Variants in PARP16 observed in about 807,000 individuals in gnomAD.
The protein encoded by PARP16 is protein mono-ADP-ribosyltransferase PARP16.
Under a neutral mutation model 35.0 loss-of-function variants are expected in PARP16, and 31 were observed. The observed-to-expected ratio is 0.88, with a 90% CI of 0.66 to 1.19. The LOEUF is 1.19. Among genes scored for constraint, PARP16 ranks in the 50% most tolerant of loss-of-function variants. The pLI is 0.00. For synonymous variants in PARP16, 162 were observed against 169.5 expected, an observed-to-expected ratio of 0.96 and a Z score of 0.34; for missense variants, 424 against 411.2, an observed-to-expected ratio of 1.03 and a Z score of -0.27.
At chr15:65,285,678 G>A (rs1400969424) in intron 1 of PARP16, 1 of 185,172 alleles carries the variant, frequency 5.4e-6, no homozygotes, top group African/African-American at 2.4e-5. Flanking sequence ...TATTTTTCTA[G>A]GCAATTCCAA....
intron 1 of PARP16, among the ~76,000 whole-genome samples, chr15:65,281,132 A>G (rs1275216450): frequency 6.6e-6 from 1 of 152,152 alleles, no homozygotes; most frequent in Non-Finnish European, 1.5e-5. Context: ...GAACCAGAAC[A>G]TGCTATTTCG....
At chr15:65,252,509 G>A (rs1469519831) in intron 2 of PARP16, among the ~76,000 whole-genome samples, 1 of 152,144 alleles carries the variant, frequency 6.6e-6, no homozygotes, top group Non-Finnish European at 1.5e-5. Flanking sequence ...TGGCCTTTCT[G>A]ACCCACCAGT....
At chr15:65,249,638 CTG>C (rs1005139241) in intron 2 of PARP16, among the ~76,000 whole-genome samples, 6 of 152,316 alleles carry the variant, frequency 3.9e-5, no homozygotes, top group African/African-American at 1.4e-4. Context: ...AAAGGGGTGA[CTG>C]TTTGTTCTCT....
At chr15:65,251,693 C>T (rs2089364059) in intron 2 of PARP16, among the ~76,000 whole-genome samples, 1 of 151,124 alleles carries the variant, frequency 6.6e-6, no homozygotes, top group Non-Finnish European at 1.5e-5. Context: ...AAATGAGATA[C>T]TATTATCTCA....
At chr15:65,250,068 T>A (rs192815051) in intron 2 of PARP16, among the ~76,000 whole-genome samples, 102 of 149,294 alleles carry the variant, frequency 6.8e-4, no homozygotes, top group Admixed American at 1.1e-3. Context: ...TCTTCTTTGC[T>A]CAGACAGCCC....
chr15:65,261,134 T>G lies in PARP16; in HGVS notation c.692-108A>C. On this transcript the variant is annotated intron_variant, in intron 4 of 5. Coordinates refer to ENST00000649807, the MANE Select transcript of PARP16 (RefSeq NM_001316943.2). The stretch of plus-strand genomic sequence containing the variant: ...CCTGGTGCTGAGGGGGAAGAAGGCC[T>G]GGCAGGCTGAGGAACAGACCTGTGT... 3 of 1,041,346 alleles carry G rather than the reference T, an allele frequency of 2.9e-6. No homozygotes were observed. In the Admixed American group the frequency reaches 6.7e-5, roughly 23 times the overall value. The allele number at this position is 1,041,346 out of a possible 1,614,324, so 64.5% of individuals were successfully genotyped here.
In PARP16 at chr15:65,258,487, C is replaced by G. The variant is rs1483490520; in HGVS notation, c.*920G>C. The G allele has an allele frequency of 1.3e-5, 2 of 152,232 alleles. No individual in the cohort carries two copies. The highest frequency in any genetic ancestry group is 1.3e-4 in the Admixed American group (2 of 15,278). The allele number at this position is 152,232 out of a possible 1,614,324, so 9.4% of individuals were successfully genotyped here. ...AAAGCATGGCACTCGTGGTTGCAGG[C>G]CACAGTCAAGGCAGCTTTGTGAGAA... On this transcript the variant is annotated 3_prime_UTR_variant, in exon 6 of 6. Coordinates refer to ENST00000649807, the MANE Select transcript of PARP16 (RefSeq NM_001316943.2).
At chr15:65,243,337 C>T (rs2089128675) in intron 3 of PARP16, among the ~76,000 whole-genome samples, 1 of 151,892 alleles carries the variant, frequency 6.6e-6, no homozygotes, top group Admixed American at 6.6e-5. Flanking sequence ...GCAACCTCCG[C>T]CTCCCCAGGC....
At chr15:65,254,109 G>A (rs1343234304), downstream of PARP16, among the ~76,000 whole-genome samples, 1 of 152,158 alleles carries the variant, frequency 6.6e-6, no homozygotes, top group Non-Finnish European at 1.5e-5. Context: ...GTGAACCACC[G>A]CGCCTGGCCT....
chr15:65,253,647 A>C (rs1382346091), downstream of PARP16, among the ~76,000 whole-genome samples: 1 of 152,060 alleles, frequency 6.6e-6, no homozygotes, highest in Admixed American at 6.6e-5. Flanking sequence ...TCTTTTTGCT[A>C]ACATTCAATC....
chr15:65,239,592 T>C (rs2088993271), intron 3 of PARP16, among the ~76,000 whole-genome samples: 1 of 151,572 alleles, frequency 6.6e-6, no homozygotes, highest in Non-Finnish European at 1.5e-5. Context: ...CTGATATGCT[T>C]TCTGCCATTA....
At chr15:65,271,158 C>T in intron 1 of PARP16, 86 bp from the exon 2 acceptor site, 15 of 1,271,090 alleles carry the variant, frequency 1.2e-5, no homozygotes, top group Non-Finnish European at 1.5e-5. Flanking sequence ...AGGCAACGTT[C>T]ACTTGTTGCA....
Position 65,286,452 on chromosome 15 carries a change from T to C in PARP16, c.-26A>G, listed in dbSNP as rs1595731552. 27 of 1,443,182 alleles carry C rather than the reference T, an allele frequency of 1.9e-5. No homozygotes were observed. In the East Asian group the frequency reaches 7.1e-4, roughly 38 times the overall value. The allele number at this position is 1,443,182 out of a possible 1,614,324, so 89.4% of individuals were successfully genotyped here. A position where few individuals can be genotyped will look rare whatever the true frequency, so the allele number is the denominator to read the frequency against. On this transcript the variant is annotated 5_prime_UTR_variant, in exon 1 of 6. Transcript: ENST00000649807. ...CCCAGGTCACTGCGCGTTGCCGGGG[T>C]AGACGCGCTGGTTAGGGGCAAGGGC... is the stretch of plus-strand genomic sequence containing the variant.
At chr15:65,286,042 C>T (rs2090583031) in intron 1 of PARP16, among the ~76,000 whole-genome samples, 2 of 152,184 alleles carry the variant, frequency 1.3e-5, no homozygotes, top group South Asian at 4.1e-4. Context: ...AAGCAGCCAC[C>T]AAGTGCCTTG....
chr15:65,241,244 G>A lies in PARP16; in HGVS notation c.*98-6421C>T, dbSNP rs1398542340. 4.6e-5 allele frequency among the ~76,000 whole-genome samples: 7 copies of A among 151,042 alleles called. No individual in the cohort carries two copies. In the East Asian group the frequency reaches 1.2e-3, roughly 25 times the overall value. On this transcript the variant is annotated intron_variant and NMD_transcript_variant, in intron 3 of 3. Coordinates refer to the PARP16 transcript ENST00000559805. ...CAACCTCTGCCTTCCAGGTTCAAGT[G>A]ATTCTTCTGCCTCAGCCTCCCAAGT...
intron 1 of PARP16, among the ~76,000 whole-genome samples, chr15:65,284,617 C>T (rs1424512128): frequency 6.6e-6 from 1 of 151,744 alleles, no homozygotes; most frequent in African/African-American, 2.4e-5. Flanking sequence ...TGAGCCACCG[C>T]ACTCGGCCTA....
intron 1 of PARP16, among the ~76,000 whole-genome samples, chr15:65,282,787 G>A (rs1000918579): frequency 2.6e-5 from 4 of 152,150 alleles, no homozygotes; most frequent in Non-Finnish European, 4.4e-5. Flanking sequence ...GGCAACCTAC[G>A]TTGCTGATGC....
At chr15:65,282,935 A>G (rs1294273665) in intron 1 of PARP16, among the ~76,000 whole-genome samples, 1 of 152,142 alleles carries the variant, frequency 6.6e-6, no homozygotes, top group East Asian at 1.9e-4. Flanking sequence ...TATCATTTGA[A>G]TTTTTTATAA....
At chr15:65,286,139 G>C in intron 1 of PARP16, 114 bp downstream of exon 1, 1 of 869,880 alleles carries the variant, frequency 1.1e-6, no homozygotes, top group African/African-American at 1.8e-5. Flanking sequence ...GCTGGGAATG[G>C]AAAGTCTGGC....
Sources: gnomAD v4.1 joint callset for allele counts (sites outside exome capture counted in the v4.1 genomes callset) on GRCh38, gnomAD v4.1.1 for gene constraint, MANE v1.5 for transcripts, NCBI Gene and HGNC (gene_info 2026-07-23, HGNC 2026-07-21) for gene names.